Variants in PTPRN2 observed in about 807,000 individuals in gnomAD.
PTPRN2 encodes protein tyrosine phosphatase receptor type N2.
PTPRN2 carries 74 observed loss-of-function variants against 118.8 expected under a neutral mutation model. That is an observed-to-expected ratio of 0.62 (90% CI 0.52 to 0.76). The LOEUF is 0.76. Among genes scored for constraint, PTPRN2 ranks in the 30% least tolerant of loss-of-function variants. The pLI is 0.00. For missense variants in PTPRN2, 1,481 were observed against 1,394.4 expected, an observed-to-expected ratio of 1.06 and a Z score of -0.99; for synonymous variants, 641 against 608.0, an observed-to-expected ratio of 1.05 and a Z score of -0.80.
At position 157,867,570 on chromosome 7, in the gene PTPRN2, C is replaced by T. The variant is rs568300083; in HGVS notation, c.1788+31103G>A. ...TACACGGCCACCACCCTGTCCCTGA[C>T]GCCCTGGATACACGGCCACCACCCT... is the stretch of plus-strand genomic sequence containing the variant. On this transcript the variant is annotated intron_variant, in intron 12 of 22. Coordinates refer to ENST00000389418, the MANE Select transcript of PTPRN2 (RefSeq NM_002847.5). Among the ~76,000 whole-genome samples the T allele has an allele frequency of 1.4e-4, 21 of 150,250 alleles. No homozygotes were observed. In the South Asian group the frequency reaches 2.3e-3, roughly 17 times the overall value.
chr7:157,910,869 T>C (rs1218498250), intron 11 of PTPRN2, among the ~76,000 whole-genome samples: 6 of 152,266 alleles, frequency 3.9e-5, no homozygotes, highest in Admixed American at 2.6e-4. Flanking sequence ...GAAAGTAGCA[T>C]GTTGCCCCAA....
At chr7:157,540,886 C>T in intron 22 of PTPRN2, 101 bp from the exon 23 acceptor site, 1 of 931,708 alleles carries the variant, frequency 1.1e-6, no homozygotes, top group South Asian at 1.6e-5. Context: ...TCCCCCCTTC[C>T]CAACGCAGCA....
At chr7:158,495,079 C>T (rs1821731909) in intron 1 of PTPRN2, among the ~76,000 whole-genome samples, 1 of 152,096 alleles carries the variant, frequency 6.6e-6, no homozygotes, top group African/African-American at 2.4e-5. Flanking sequence ...CCAGTCCCTA[C>T]TGCCTGGAGC....
chr7:157,840,838 A>T (rs919116815), intron 12 of PTPRN2, among the ~76,000 whole-genome samples: 2 of 152,114 alleles, frequency 1.3e-5, no homozygotes, highest in African/African-American at 2.4e-5. Context: ...CCGTCCTCAG[A>T]CCCCTCCAGG....
rs369777556 is a variant in PTPRN2 at position 157,872,399 on chromosome 7, C to A, written c.1788+26274G>T. Among the ~76,000 whole-genome samples the A allele has an allele frequency of 4.0e-4, 40 of 100,612 alleles. 1 individual carries two copies. In the East Asian group the frequency reaches 7.0e-3, roughly 18 times the overall value. 66.0% of individuals were successfully genotyped at this position (100,612 alleles called of 152,430 possible). On this transcript the variant is annotated intron_variant, in intron 12 of 22. Transcript: ENST00000389418. ...CACACACATACCCAGTGTCCTCCCCCCACACACATACCCAGTGTCTTTCCC... is the reference window on the plus strand; with the variant it reads ...CACACACATACCCAGTGTCCTCCCCACACACACATACCCAGTGTCTTTCCC...
At chr7:157,691,142 G>A (rs1797478540) in intron 12 of PTPRN2, among the ~76,000 whole-genome samples, 1 of 128,060 alleles carries the variant, frequency 7.8e-6, no homozygotes. Context: ...TCTCCCGCCC[G>A]AGACTATGAA....
chr7:157,749,245 T>C (rs1247581945), intron 12 of PTPRN2, among the ~76,000 whole-genome samples: 1 of 137,344 alleles, frequency 7.3e-6, no homozygotes, highest in African/African-American at 2.9e-5. Context: ...GTTGAGGTGA[T>C]TCTGAGGCGT....
At chr7:157,719,956 T>C (rs527913263) in intron 12 of PTPRN2, among the ~76,000 whole-genome samples, 1 of 150,914 alleles carries the variant, frequency 6.6e-6, no homozygotes, top group East Asian at 2.0e-4. Flanking sequence ...TGCTGTGGGG[T>C]CATACAGATA....
chr7:158,123,492 GAGA>G (rs1450644928), intron 9 of PTPRN2, among the ~76,000 whole-genome samples: 4 of 152,104 alleles, frequency 2.6e-5, no homozygotes, highest in African/African-American at 9.7e-5. Flanking sequence ...CAGGGTCTGG[GAGA>G]AGGAGGTTTT....
Position 157,747,839 on chromosome 7 carries a change from C to G in PTPRN2, c.1789-64902G>C, listed in dbSNP as rs374350388. On this transcript the variant is annotated intron_variant, in intron 12 of 22. Coordinates refer to ENST00000389418, the MANE Select transcript of PTPRN2 (RefSeq NM_002847.5). The stretch of plus-strand genomic sequence containing the variant: ...GAGGCCTGCGTCCCTGAGCTTTGGG[C>G]TGTCCGGGTGATTCTGAGGCCTGCG... 5.3e-3 allele frequency among the ~76,000 whole-genome samples: 395 copies of G among 74,086 alleles called. 2 individuals carry two copies. The highest frequency in any genetic ancestry group is 0.023 in the Middle Eastern group (2 of 88). The allele number at this position is 74,086 out of a possible 152,430, so 48.6% of individuals were successfully genotyped here.
At chr7:158,556,552 CAAA>C (rs10554373) in intron 1 of PTPRN2, among the ~76,000 whole-genome samples, 51 of 116,538 alleles carry the variant, frequency 4.4e-4, no homozygotes, top group African/African-American at 1.5e-3. Context: ...AACTCTGTTT[CAAA>C]AAAAAAAAAA....
At chr7:158,126,831 G>C (rs1817726753) in intron 9 of PTPRN2, among the ~76,000 whole-genome samples, 1 of 152,188 alleles carries the variant, frequency 6.6e-6, no homozygotes, top group Non-Finnish European at 1.5e-5. Context: ...GGCAGATGGA[G>C]AGACCGAAGC....
chr7:157,810,356 G>C (rs1391844637), intron 12 of PTPRN2, among the ~76,000 whole-genome samples: 2 of 152,204 alleles, frequency 1.3e-5, no homozygotes, highest in African/African-American at 4.8e-5. Flanking sequence ...ACGAGGCTAT[G>C]CCAGGCTGGG....
intron 11 of PTPRN2, among the ~76,000 whole-genome samples, chr7:158,071,179 ATGGAGGTGCTCATGGTGG>A (rs1337254960): frequency 5.9e-4 from 2 of 3,368 alleles, no homozygotes; most frequent in Admixed American, 5.4e-3. Flanking sequence ...TGCTCTTAGT[ATGGAGGTGCTCATGGTGG>A]TGGAGGTGCT....
chr7:158,152,285 C>T (rs919084034), intron 6 of PTPRN2, among the ~76,000 whole-genome samples: 1 of 151,714 alleles, frequency 6.6e-6, no homozygotes, highest in African/African-American at 2.4e-5. Flanking sequence ...CTCTTTCATA[C>T]CGCACTGCCA....
intron 1 of PTPRN2, among the ~76,000 whole-genome samples, chr7:158,522,137 CA>C (rs1409383930): frequency 7.9e-5 from 6 of 75,504 alleles, no homozygotes; most frequent in African/African-American, 1.8e-4. Context: ...GGTGCTGGCT[CA>C]GGAGGGAGGT....
intron 12 of PTPRN2, among the ~76,000 whole-genome samples, chr7:157,894,695 C>A (rs1485451967): frequency 6.6e-6 from 1 of 152,114 alleles, no homozygotes; most frequent in Non-Finnish European, 1.5e-5. Context: ...ACGAGGACAG[C>A]CCATGTGGCC....
At chr7:158,170,981 A>C (rs1823494865) in intron 5 of PTPRN2, among the ~76,000 whole-genome samples, 1 of 145,256 alleles carries the variant, frequency 6.9e-6, no homozygotes, top group Admixed American at 6.9e-5. Flanking sequence ...ATATACATAC[A>C]TATATATATA....
chr7:158,133,165 T>C (rs1818513844), intron 9 of PTPRN2, among the ~76,000 whole-genome samples: 1 of 152,184 alleles, frequency 6.6e-6, no homozygotes, highest in African/African-American at 2.4e-5. Flanking sequence ...GCCAGGATAT[T>C]TGGGCCACTT....
Sources: allele counts gnomAD v4.1 joint callset (sites outside exome capture counted in the v4.1 genomes callset), GRCh38; gene constraint gnomAD v4.1.1; transcripts MANE v1.5; gene names NCBI Gene and HGNC (gene_info 2026-07-23, HGNC 2026-07-21).